Variants in PPP1R1C observed in about 807,000 individuals in gnomAD.
The protein encoded by PPP1R1C is protein phosphatase 1 regulatory subunit 1C.
PPP1R1C carries 15 observed loss-of-function variants against 17.4 expected under a neutral mutation model. The observed-to-expected ratio is 0.86, with a 90% CI of 0.58 to 1.33. The LOEUF is 1.33. PPP1R1C is among the 40% of genes most tolerant of loss of function. PPP1R1C has a pLI of 0.00. For synonymous variants in PPP1R1C, 35 were observed against 43.1 expected, an observed-to-expected ratio of 0.81 and a Z score of 0.73; for missense variants, 143 against 130.0, an observed-to-expected ratio of 1.10 and a Z score of -0.48.
rs1014125207 is a variant in PPP1R1C, at chr2:182,057,086, C to T, written c.143-4356C>T. On this transcript the variant is annotated intron_variant, in intron 2 of 4. Transcript: ENST00000682840. ...TATTGTAATTTGGAATGCAGAGAAG[C>T]AGCAAACAGATGGTCTGGTTTTATG... Among the ~76,000 whole-genome samples, 13 of 152,280 alleles carry T rather than the reference C, an allele frequency of 8.5e-5. No individual in the cohort carries two copies. In the East Asian group the frequency reaches 2.1e-3, roughly 25 times the overall value.
At chr2:182,129,257 A>G (rs937039951) in exon 6 of PPP1R1C, 5 of 152,168 alleles carry the variant, frequency 3.3e-5, no homozygotes, top group East Asian at 1.9e-4. Context: ...CTCTACAACT[A>G]AAAAAGGGAT....
chr2:182,091,182 G>A (rs549531842), intron 4 of PPP1R1C, among the ~76,000 whole-genome samples: 27 of 152,240 alleles, frequency 1.8e-4, no homozygotes, highest in African/African-American at 6.3e-4. Flanking sequence ...AGACTGAGAA[G>A]GAGAATTAAT....
chr2:181,983,195 A>G (rs2840148), upstream of PPP1R1C, among the ~76,000 whole-genome samples: 54,406 of 151,982 alleles, frequency 0.36, 10,097 homozygotes, highest in Middle Eastern at 0.39. Flanking sequence ...CTGGCCTTAT[A>G]TTATAGTGGC....
chr2:182,120,121 A>G (rs1305753715), downstream of PPP1R1C, among the ~76,000 whole-genome samples: 1 of 152,198 alleles, frequency 6.6e-6, no homozygotes, highest in East Asian at 1.9e-4. Flanking sequence ...AGCTTTCTAC[A>G]TATGGCTAGC....
rs1319925818 is a variant in PPP1R1C at position 182,076,181 on chromosome 2, C to CTTTTTTTTT, written c.241+12392_241+12400dup. Among the ~76,000 whole-genome samples, 13 of 47,484 alleles carry CTTTTTTTTT rather than the reference C, an allele frequency of 2.7e-4. 2 individuals carry two copies. The highest frequency in any genetic ancestry group is 1.1e-3 in the African/African-American group (13 of 11,568). 31.2% of individuals were successfully genotyped at this position (47,484 alleles called of 152,430 possible). ...TTATCTATAAATCAAGGATTTTGAA[C>CTTTTTTTTT]TTTTTTTTTTCTTTTCTTTTTTTTT... On this transcript the variant is annotated intron_variant, in intron 4 of 4. Coordinates refer to ENST00000682840, the MANE Select transcript of PPP1R1C (RefSeq NM_001080545.3).
intron 2 of PPP1R1C, among the ~76,000 whole-genome samples, chr2:182,043,322 C>T (rs1013391299): frequency 6.6e-6 from 1 of 152,124 alleles, no homozygotes; most frequent in Non-Finnish European, 1.5e-5. Context: ...CCTGCCAAGC[C>T]TCCTCAAAAG....
At chr2:182,034,551 A>G (rs908373788) in intron 2 of PPP1R1C, among the ~76,000 whole-genome samples, 3 of 152,222 alleles carry the variant, frequency 2.0e-5, no homozygotes, top group African/African-American at 4.8e-5. Flanking sequence ...ATGTTTTTAT[A>G]TTAAACTGTT....
Position 182,089,460 on chromosome 2 carries a change from A to G in PPP1R1C, c.241+25669A>G, listed in dbSNP as rs184996205. On this transcript the variant is annotated intron_variant, in intron 4 of 4. Coordinates refer to ENST00000682840, the MANE Select transcript of PPP1R1C (RefSeq NM_001080545.3). ...TAGATGGGCATATTTCAAAGTTGGA[A>G]AAGCTGGCCCTTTTCTAGGAAATCT... 8.3e-4 allele frequency among the ~76,000 whole-genome samples: 127 copies of G among 152,308 alleles called. 1 individual carries two copies. The highest frequency in any genetic ancestry group is 2.9e-3 in the African/African-American group (120 of 41,574).
chr2:182,121,692 C>T (rs781180386), downstream of PPP1R1C, among the ~76,000 whole-genome samples: 30 of 151,798 alleles, frequency 2.0e-4, no homozygotes, highest in Non-Finnish European at 2.9e-4. Context: ...TTAGTAGAGA[C>T]GGGGTTTCGC....
chr2:182,102,011 T>A (rs769732834), intron 4 of PPP1R1C, among the ~76,000 whole-genome samples: 6 of 152,170 alleles, frequency 3.9e-5, no homozygotes, highest in Non-Finnish European at 7.4e-5. Flanking sequence ...AATGAAGGAA[T>A]GACAAAATAG....
chr2:182,070,509 C>A (rs1312490524), intron 4 of PPP1R1C, among the ~76,000 whole-genome samples: 1 of 152,172 alleles, frequency 6.6e-6, no homozygotes, highest in Non-Finnish European at 1.5e-5. Context: ...TAAATCCCAA[C>A]CAAAATTACA....
intron 2 of PPP1R1C, among the ~76,000 whole-genome samples, chr2:182,041,257 A>C (rs1021647624): frequency 1.3e-5 from 2 of 152,220 alleles, no homozygotes; most frequent in African/African-American, 2.4e-5. Context: ...CAATTTTAAA[A>C]AATGGAATAT....
chr2:182,124,011 A>C (rs1341661007), intron 5 of PPP1R1C, among the ~76,000 whole-genome samples: 2 of 152,182 alleles, frequency 1.3e-5, no homozygotes, highest in Non-Finnish European at 2.9e-5. Context: ...TCTTTAATCC[A>C]TCTTCAGTTA....
rs892719164 is a variant in PPP1R1C, at chr2:181,962,954, A to T, written n.111+8320A>T. 1.3e-5 allele frequency among the ~76,000 whole-genome samples: 2 copies of T among 152,182 alleles called. No individual in the cohort carries two copies. Among genetic ancestry groups the T allele is most frequent in the African/African-American group, 4.8e-5 (2 of 41,438 alleles). ...AGGATACTCCCAGGGTGGGTAGTAT[A>T]CAAGGTAATATACAACACAGAGCAG... On this transcript the variant is annotated intron_variant and non_coding_transcript_variant, in intron 1 of 5. Transcript: ENST00000464264. The surrounding 1 kb of genome is among the most constrained non-coding windows in gnomAD (Gnocchi z 6.0).
At chr2:181,981,142 A>G (rs1431562839), upstream of PPP1R1C, among the ~76,000 whole-genome samples, 6 of 151,638 alleles carry the variant, frequency 4.0e-5, no homozygotes, top group Non-Finnish European at 7.4e-5. Context: ...TTTAGCCGGG[A>G]TGGTCTCGAT....
chr2:182,053,844 G>T (rs1048026990), intron 2 of PPP1R1C, among the ~76,000 whole-genome samples: 3 of 151,816 alleles, frequency 2.0e-5, no homozygotes, highest in African/African-American at 7.3e-5. Flanking sequence ...GCAGTGGTGT[G>T]ATCTCAGCTC....
chr2:181,973,699 T>C (rs1286275174), intron 1 of PPP1R1C, among the ~76,000 whole-genome samples: 1 of 152,214 alleles, frequency 6.6e-6, no homozygotes, highest in Non-Finnish European at 1.5e-5. Context: ...GTAACGCTGT[T>C]AGTACAAAAA....
intron 1 of PPP1R1C, among the ~76,000 whole-genome samples, chr2:181,956,276 A>G (rs1231139094): frequency 6.6e-6 from 1 of 151,974 alleles, no homozygotes; most frequent in East Asian, 1.9e-4. Context: ...TATGTGCCAC[A>G]TTTTCTTTAT....
At chr2:182,123,859 T>C (rs1157326871) in intron 5 of PPP1R1C, among the ~76,000 whole-genome samples, 1 of 152,226 alleles carries the variant, frequency 6.6e-6, no homozygotes, top group East Asian at 1.9e-4. Context: ...TTAGTTTAAT[T>C]GGATCCCATT....
Sources: gnomAD v4.1 joint callset for allele counts (sites outside exome capture counted in the v4.1 genomes callset) on GRCh38, gnomAD v4.1.1 for gene constraint, Gnocchi (gnomAD v3.1) non-coding constraint, MANE v1.5 for transcripts, NCBI Gene and HGNC (gene_info 2026-07-23, HGNC 2026-07-21) for gene names.